PCDH7: variants seen among roughly 807,000 people sequenced by gnomAD.
The protein encoded by PCDH7 is protocadherin 7, also known as protocadherin-7.
Under a neutral mutation model 58.9 loss-of-function variants are expected in PCDH7, and 17 were observed. That is an observed-to-expected ratio of 0.29 (90% CI 0.20 to 0.43). The LOEUF (loss-of-function observed/expected upper bound fraction) is 0.43. PCDH7 is among the 20% of genes least tolerant of loss of function. The pLI is 1.00. For missense variants in PCDH7, 1,274 were observed against 1,441.0 expected (o/e 0.88, Z 1.88); for synonymous variants, 664 against 616.4 (o/e 1.08, Z -1.14).
chr4:30,723,051 C>T lies in PCDH7; in HGVS notation c.1629C>T (p.Tyr543=), dbSNP rs1237385386. 3.1e-6 allele frequency: 5 copies of T among 1,613,792 alleles called. No homozygotes were observed. Among genetic ancestry groups the T allele is most frequent in the African/African-American group, 2.7e-5 (2 of 74,910 alleles). Reference sequence around the variant, plus strand: ...TCGGCCAGTCGGTGGTGGAGGTTTACTTCCCTGAGAACAACATCCCGGGCG... The same window carrying T: ...TCGGCCAGTCGGTGGTGGAGGTTTATTTCCCTGAGAACAACATCCCGGGCG... Residue 543 remains tyrosine (Y), a synonymous_variant, in exon 1 of 2, where the codon TAC becomes TAT. Transcript: ENST00000361762. This position sits in a 1 kb window ranked among gnomAD's most constrained non-coding sequence, Gnocchi z 4.6.
At chr4:30,852,717 G>A (rs1732914429) in intron 1 of PCDH7, among the ~76,000 whole-genome samples, 1 of 148,270 alleles carries the variant, frequency 6.7e-6, no homozygotes, top group South Asian at 2.1e-4. Context: ...TTTCCTGACA[G>A]AATTCCAGCA....
chr4:30,936,133 A>C (rs1359918440), intron 2 of PCDH7, among the ~76,000 whole-genome samples: 2 of 152,082 alleles, frequency 1.3e-5, no homozygotes, highest in African/African-American at 2.4e-5. Context: ...GAAAAGATAA[A>C]TAGAGCAAGG....
intron 2 of PCDH7, among the ~76,000 whole-genome samples, chr4:30,926,450 C>G (rs549313034): frequency 7.2e-5 from 11 of 152,180 alleles, no homozygotes; most frequent in African/African-American, 2.4e-4. Context: ...TCCCAAAGTG[C>G]TGGGATTACA....
At chr4:30,923,003 CA>C (rs1161947541) in intron 2 of PCDH7, among the ~76,000 whole-genome samples, 1 of 152,070 alleles carries the variant, frequency 6.6e-6, no homozygotes, top group African/African-American at 2.4e-5. Context: ...TGAAACCTGT[CA>C]AGTATTCATT....
chr4:31,098,416 T>G (rs1714455275), intron 3 of PCDH7, among the ~76,000 whole-genome samples: 2 of 152,206 alleles, frequency 1.3e-5, no homozygotes. Context: ...ATTTCTAATA[T>G]TCCTAGTCAC....
intron 1 of PCDH7, among the ~76,000 whole-genome samples, chr4:30,788,932 A>G (rs1723764767): frequency 6.6e-6 from 1 of 152,178 alleles, no homozygotes; most frequent in Admixed American, 6.6e-5. Flanking sequence ...AAATGTTTCA[A>G]ACAGATACTT....
At chr4:30,947,068 A>G (rs1392819517) in intron 2 of PCDH7, among the ~76,000 whole-genome samples, 2 of 151,996 alleles carry the variant, frequency 1.3e-5, no homozygotes, top group Admixed American at 6.6e-5. Context: ...ACATGAACCA[A>G]TGCCTTCTCT....
chr4:30,887,845 C>T (rs528289201), intron 1 of PCDH7, among the ~76,000 whole-genome samples: 8 of 151,142 alleles, frequency 5.3e-5, no homozygotes, highest in Admixed American at 4.6e-4. Flanking sequence ...CAAGTATGGT[C>T]ATAGCCCATT....
At chr4:30,748,571 T>C (rs1718076331) in intron 1 of PCDH7, among the ~76,000 whole-genome samples, 1 of 152,180 alleles carries the variant, frequency 6.6e-6, no homozygotes, top group Non-Finnish European at 1.5e-5. Flanking sequence ...AGCATTAATC[T>C]CTTTGTGAGA....
chr4:30,853,542 G>A (rs1406500702), intron 1 of PCDH7, among the ~76,000 whole-genome samples: 1 of 151,988 alleles, frequency 6.6e-6, no homozygotes, highest in Non-Finnish European at 1.5e-5. Flanking sequence ...TTAGATCCTA[G>A]GAGGATTCAT....
At chr4:30,742,288 T>C (rs1717181592) in intron 1 of PCDH7, among the ~76,000 whole-genome samples, 2 of 152,174 alleles carry the variant, frequency 1.3e-5, no homozygotes, top group African/African-American at 4.8e-5. Flanking sequence ...TAATGAAGAA[T>C]TTATGCTTAC....
At chr4:30,883,789 G>A (rs926598911) in intron 1 of PCDH7, among the ~76,000 whole-genome samples, 1 of 152,116 alleles carries the variant, frequency 6.6e-6, no homozygotes, top group African/African-American at 2.4e-5. Context: ...TGTCAGGGAG[G>A]TATCATTTCA....
intron 1 of PCDH7, among the ~76,000 whole-genome samples, chr4:30,860,275 A>T (rs1378484715): frequency 2.0e-5 from 3 of 152,140 alleles, no homozygotes; most frequent in African/African-American, 7.2e-5. Context: ...TCTAAAAAGG[A>T]GAGTTTCCTA....
intron 3 of PCDH7, among the ~76,000 whole-genome samples, chr4:31,006,829 T>C (rs1193295492): frequency 1.3e-5 from 2 of 151,548 alleles, no homozygotes; most frequent in East Asian, 3.9e-4. Flanking sequence ...GAAGCAGAGA[T>C]TGCAGTGAGC....
intron 1 of PCDH7, among the ~76,000 whole-genome samples, chr4:30,729,913 T>G (rs1172065254): frequency 6.6e-6 from 1 of 152,014 alleles, no homozygotes; most frequent in Non-Finnish European, 1.5e-5. Context: ...AGATTCTAAA[T>G]TTGCACAGTG....
chr4:30,999,999 TA>T (rs1752225293), intron 3 of PCDH7, among the ~76,000 whole-genome samples: 1 of 152,164 alleles, frequency 6.6e-6, no homozygotes, highest in Non-Finnish European at 1.5e-5. Context: ...TATGGCTGTT[TA>T]ATCTCAATTT....
At chr4:31,041,127 T>G (rs1755826134) in intron 3 of PCDH7, among the ~76,000 whole-genome samples, 1 of 152,182 alleles carries the variant, frequency 6.6e-6, no homozygotes, top group Non-Finnish European at 1.5e-5. Context: ...GGATTTAGTT[T>G]TATGCTTGCT....
At chr4:30,786,852 G>C in intron 1 of PCDH7, 1 of 584,350 alleles carries the variant, frequency 1.7e-6, no homozygotes, top group Non-Finnish European at 2.2e-6. Flanking sequence ...AATAGACCTG[G>C]ATTTGTCTTG....
intron 3 of PCDH7, among the ~76,000 whole-genome samples, chr4:31,087,753 A>G (rs905208785): frequency 1.3e-5 from 2 of 152,272 alleles, no homozygotes; most frequent in Non-Finnish European, 1.5e-5. Flanking sequence ...CCGTTTTTGC[A>G]TTCAGACGAA....
Sources: gnomAD v4.1 joint callset for allele counts (sites outside exome capture counted in the v4.1 genomes callset) on GRCh38, gnomAD v4.1.1 for gene constraint, Gnocchi (gnomAD v3.1) non-coding constraint, MANE v1.5 for transcripts, NCBI Gene and HGNC (gene_info 2026-07-23, HGNC 2026-07-21) for gene names.